THSD7A: variants seen among roughly 807,000 people sequenced by gnomAD.
THSD7A encodes thrombospondin type-1 domain-containing protein 7A.
Under a neutral mutation model 231.3 loss-of-function variants are expected in THSD7A, and 96 were observed. The ratio of observed to expected loss-of-function variants is 0.41; its 90% CI spans 0.35 to 0.49. THSD7A has a LOEUF of 0.49. THSD7A is among the 20% of genes least tolerant of loss of function. THSD7A has a pLI of 0.05. For missense variants in THSD7A, 2,290 were observed against 2,070.2 expected (o/e 1.11, Z -2.06); for synonymous variants, 940 against 743.3 (o/e 1.26, Z -4.30).
At chr7:11,434,472 G>A (rs1367227695) in intron 13 of THSD7A, among the ~76,000 whole-genome samples, 1 of 152,090 alleles carries the variant, frequency 6.6e-6, no homozygotes, top group African/African-American at 2.4e-5. Context: ...TGGAGATAAA[G>A]TAGATTTCAA....
intron 6 of THSD7A, among the ~76,000 whole-genome samples, chr7:11,518,770 A>C (rs1788143469): frequency 6.6e-6 from 1 of 152,244 alleles, no homozygotes; most frequent in African/African-American, 2.4e-5. Context: ...GAAATGTACA[A>C]TCAAGTCCAC....
At chr7:11,651,475 T>TCTATCTATCAA (rs1287092519) in intron 1 of THSD7A, among the ~76,000 whole-genome samples, 4 of 139,634 alleles carry the variant, frequency 2.9e-5, no homozygotes, top group African/African-American at 1.1e-4. Flanking sequence ...CTATTATCTA[T>TCTATCTATCAA]CTATCTATCA....
At chr7:11,426,547 G>A in intron 15 of THSD7A, 119 bp downstream of exon 15, 1 of 1,106,942 alleles carries the variant, frequency 9.0e-7, no homozygotes, top group South Asian at 1.7e-5. Flanking sequence ...TGGAAAATAT[G>A]ACATTTTCTC....
chr7:11,648,565 C>G (rs190292023), intron 1 of THSD7A, among the ~76,000 whole-genome samples: 32 of 151,494 alleles, frequency 2.1e-4, no homozygotes, highest in Non-Finnish European at 3.2e-4. Flanking sequence ...ATAGACAACT[C>G]CAGCCAAAAA....
chr7:11,425,731 TACACACACACAC>T (rs3086973), intron 15 of THSD7A, among the ~76,000 whole-genome samples: 1 of 145,708 alleles, frequency 6.9e-6, no homozygotes, highest in Non-Finnish European at 1.5e-5. Flanking sequence ...TCCCTTATTT[TACACACACACAC>T]ACACACACAC....
At chr7:11,484,604 T>C (rs1287483090) in intron 6 of THSD7A, among the ~76,000 whole-genome samples, 1 of 152,174 alleles carries the variant, frequency 6.6e-6, no homozygotes, top group African/African-American at 2.4e-5. Flanking sequence ...TCTGTCTTGG[T>C]TGCTACTTCA....
intron 1 of THSD7A, among the ~76,000 whole-genome samples, chr7:11,659,483 G>T (rs1311654555): frequency 6.6e-6 from 1 of 151,198 alleles, no homozygotes; most frequent in Admixed American, 6.6e-5. Context: ...TCTTGATATT[G>T]TGTTTTGGCA....
intron 2 of THSD7A, among the ~76,000 whole-genome samples, chr7:11,614,908 T>TA (rs1489582249): frequency 6.6e-6 from 1 of 152,122 alleles, no homozygotes; most frequent in Non-Finnish European, 1.5e-5. Context: ...TTTTCCTTTG[T>TA]AAAAAAGAAA....
intron 4 of THSD7A, among the ~76,000 whole-genome samples, chr7:11,565,685 G>A (rs1028173066): frequency 1.3e-5 from 2 of 152,176 alleles, no homozygotes; most frequent in Non-Finnish European, 2.9e-5. Flanking sequence ...CTGGCTCTTG[G>A]TTGTCATCAC....
intron 4 of THSD7A, among the ~76,000 whole-genome samples, chr7:11,576,040 G>C (rs1477245447): frequency 6.6e-6 from 1 of 152,110 alleles, no homozygotes; most frequent in African/African-American, 2.4e-5. Flanking sequence ...TTAATGCAGT[G>C]TTCCTTTCTA....
chr7:11,804,875 G>A (rs1175827522), intron 1 of THSD7A, among the ~76,000 whole-genome samples: 2 of 152,058 alleles, frequency 1.3e-5, no homozygotes, highest in South Asian at 2.1e-4. Flanking sequence ...CCATTTAACT[G>A]GTATGTTGGA....
chr7:11,388,052 G>C (rs931408053), intron 23 of THSD7A, among the ~76,000 whole-genome samples: 3 of 152,088 alleles, frequency 2.0e-5, no homozygotes, highest in Admixed American at 2.0e-4. Flanking sequence ...GGATGAAGCC[G>C]ACTTGATTGT....
At chr7:11,404,560 G>A (rs1020373729) in intron 22 of THSD7A, among the ~76,000 whole-genome samples, 2 of 152,194 alleles carry the variant, frequency 1.3e-5, no homozygotes, top group Non-Finnish European at 2.9e-5. Flanking sequence ...GTCACCTGCT[G>A]CCACAGCCTT....
At chr7:11,718,236 G>A (rs1444335086) in intron 1 of THSD7A, among the ~76,000 whole-genome samples, 3 of 151,544 alleles carry the variant, frequency 2.0e-5, no homozygotes, top group Admixed American at 6.6e-5. Context: ...ATTTGTATGC[G>A]ATCTGAGGAC....
At chr7:11,732,252 G>A (rs1235958494) in intron 1 of THSD7A, among the ~76,000 whole-genome samples, 1 of 151,724 alleles carries the variant, frequency 6.6e-6, no homozygotes, top group Non-Finnish European at 1.5e-5. Context: ...ACTGGAGTGA[G>A]ATTTTGAAAA....
At position 11,739,073 on chromosome 7, in the gene THSD7A, G is replaced by T. The variant is rs191581207; in HGVS notation, c.190+92684C>A. Among the ~76,000 whole-genome samples the T allele has an allele frequency of 3.0e-3, 463 of 152,004 alleles. 7 individuals are homozygous for T. The highest frequency in any genetic ancestry group is 9.8e-3 in the African/African-American group (406 of 41,490). On this transcript the variant is annotated intron_variant, in intron 1 of 27. Coordinates refer to ENST00000423059, the MANE Select transcript of THSD7A (RefSeq NM_015204.3). Reference sequence around the variant, plus strand: ...CTCATTAGTGTAATTATTTTTATTCGGTGGCCCAAGTAACAAATGTTATAC... The same window carrying T: ...CTCATTAGTGTAATTATTTTTATTCTGTGGCCCAAGTAACAAATGTTATAC...
In THSD7A at chr7:11,375,702, T is replaced by C; in HGVS notation, c.*92A>G. On this transcript the variant is annotated 3_prime_UTR_variant, in exon 28 of 28. Coordinates refer to ENST00000423059, the MANE Select transcript of THSD7A (RefSeq NM_015204.3). ...CATTTTTAAAAATTAAAATATATTTTAATCCACACAGTTTGGATACATTTG... is the reference window on the plus strand; with the variant it reads ...CATTTTTAAAAATTAAAATATATTTCAATCCACACAGTTTGGATACATTTG... The C allele has an allele frequency of 2.9e-6, 3 of 1,029,310 alleles. No individual in the cohort carries two copies. Among genetic ancestry groups the C allele is most frequent in the Non-Finnish European group, 4.4e-6 (3 of 680,308 alleles). 63.8% of individuals were successfully genotyped at this position (1,029,310 alleles called of 1,614,324 possible). A position where few individuals can be genotyped will look rare whatever the true frequency, so the allele number is the denominator to read the frequency against.
intron 6 of THSD7A, among the ~76,000 whole-genome samples, chr7:11,534,675 T>C (rs901098791): frequency 6.6e-6 from 1 of 152,104 alleles, no homozygotes; most frequent in African/African-American, 2.4e-5. Context: ...GGAAAGAGAA[T>C]AGGGAATACA....
intron 1 of THSD7A, among the ~76,000 whole-genome samples, chr7:11,703,108 G>A (rs1780655985): frequency 6.6e-6 from 1 of 151,250 alleles, no homozygotes; most frequent in Non-Finnish European, 1.5e-5. Flanking sequence ...GCAAGGTCAA[G>A]TTCTCTAAAT....
Sources: allele counts gnomAD v4.1 joint callset (sites outside exome capture counted in the v4.1 genomes callset), GRCh38; gene constraint gnomAD v4.1.1; transcripts MANE v1.5; gene names NCBI Gene and HGNC (gene_info 2026-07-23, HGNC 2026-07-21).